CELF2: variants seen among roughly 807,000 people sequenced by gnomAD.
The protein encoded by CELF2 is CUGBP Elav-like family member 2.
CELF2 carries 8 observed loss-of-function variants against 62.6 expected under a neutral mutation model. The ratio of observed to expected loss-of-function variants is 0.13; its 90% CI spans 0.07 to 0.23. CELF2 has a LOEUF of 0.23. Among genes scored for constraint, CELF2 ranks in the 10% least tolerant of loss-of-function variants. The pLI, the probability that CELF2 is intolerant of heterozygous loss-of-function variation, is 1.00. For synonymous variants in CELF2, 258 were observed against 250.0 expected, an observed-to-expected ratio of 1.03 and a Z score of -0.30; for missense variants, 333 against 671.0, an observed-to-expected ratio of 0.50 and a Z score of 5.56.
intron 1 of CELF2, among the ~76,000 whole-genome samples, chr10:11,092,827 AC>A (rs767543502): frequency 1.3e-5 from 2 of 152,162 alleles, no homozygotes; most frequent in Non-Finnish European, 2.9e-5. Flanking sequence ...CATGGCCTGA[AC>A]CCCATCAGCA....
intron 1 of CELF2, among the ~76,000 whole-genome samples, chr10:10,910,333 C>T (rs994674240): frequency 6.6e-6 from 1 of 152,058 alleles, no homozygotes; most frequent in African/African-American, 2.4e-5. Flanking sequence ...CTTGTACAAG[C>T]ATATGATTTG....
chr10:10,825,226 T>C (rs1448864256), intron 1 of CELF2, among the ~76,000 whole-genome samples: 4 of 152,184 alleles, frequency 2.6e-5, no homozygotes, highest in East Asian at 1.9e-4. Context: ...TGTTTTGTTT[T>C]TGAGACGGAG....
At chr10:10,764,528 G>A in the CELF2 span, among the ~76,000 whole-genome samples, 1 of 152,184 alleles carries the variant, frequency 6.6e-6, no homozygotes, top group Non-Finnish European at 1.5e-5. Flanking sequence ...AAGAGACAGA[G>A]CCAAGTTCTC....
At chr10:10,532,894 A>AG in the CELF2 span, among the ~76,000 whole-genome samples, 1 of 149,140 alleles carries the variant, frequency 6.7e-6, no homozygotes, top group Non-Finnish European at 1.5e-5. Context: ...CTCAAAAAAA[A>AG]AAAAAAATAG....
chr10:10,795,690 T>A (rs544955670), upstream of CELF2, among the ~76,000 whole-genome samples: 2 of 152,218 alleles, frequency 1.3e-5, no homozygotes, highest in African/African-American at 2.4e-5. Context: ...CAGTATGTGA[T>A]AGCATGGAAT....
chr10:11,044,479 G>T (rs898615736), intron 1 of CELF2, among the ~76,000 whole-genome samples: 6 of 152,100 alleles, frequency 3.9e-5, no homozygotes, highest in South Asian at 2.1e-4. Flanking sequence ...CTATATGTAC[G>T]TATCAATTTG....
chr10:10,861,574 G>A (rs1004888043), intron 1 of CELF2, among the ~76,000 whole-genome samples: 8 of 152,192 alleles, frequency 5.3e-5, no homozygotes, highest in Middle Eastern at 3.4e-3. Context: ...GGGGCTTTAG[G>A]TAAATCCACC....
At chr10:10,641,978 G>A in the CELF2 span, among the ~76,000 whole-genome samples, 1 of 152,106 alleles carries the variant, frequency 6.6e-6, no homozygotes, top group Non-Finnish European at 1.5e-5. Flanking sequence ...AGGTCATAGA[G>A]CCTTGAGATA....
chr10:10,912,097 A>C (rs2895439), intron 1 of CELF2, among the ~76,000 whole-genome samples: 6 of 152,344 alleles, frequency 3.9e-5, no homozygotes, highest in African/African-American at 1.4e-4. Context: ...CTTGAGGAGA[A>C]GAAAGAAATG....
chr10:10,687,211 A>T, the CELF2 span, among the ~76,000 whole-genome samples: 1 of 152,222 alleles, frequency 6.6e-6, no homozygotes, highest in African/African-American at 2.4e-5. Context: ...TTTAATGGAT[A>T]CTGGTCACCT....
At chr10:11,099,921 C>T (rs1482950985) in intron 1 of CELF2, among the ~76,000 whole-genome samples, 2 of 150,378 alleles carry the variant, frequency 1.3e-5, no homozygotes, top group Non-Finnish European at 3.0e-5. Context: ...ACAGCTTAAG[C>T]TGGGCGTGGT....
At chr10:10,533,386 T>C in the CELF2 span, among the ~76,000 whole-genome samples, 1 of 152,234 alleles carries the variant, frequency 6.6e-6, no homozygotes, top group African/African-American at 2.4e-5. Flanking sequence ...AAAATTGTGA[T>C]ACAAACTTTT....
intron 1 of CELF2, among the ~76,000 whole-genome samples, chr10:11,044,334 C>G (rs913462625): frequency 7.2e-5 from 11 of 152,308 alleles, no homozygotes; most frequent in Non-Finnish European, 1.5e-4. Context: ...CGGTTCTTAG[C>G]ACAAAACAGG....
the CELF2 span, among the ~76,000 whole-genome samples, chr10:10,588,610 T>C: frequency 8.5e-5 from 13 of 152,288 alleles, no homozygotes; most frequent in Non-Finnish European, 1.6e-4. Flanking sequence ...CTTGGAGGGA[T>C]TGTAGATGAC....
Position 11,270,579 on chromosome 10 carries a change from C to A in CELF2, c.619-87C>A. On this transcript the variant is annotated intron_variant, in intron 6 of 12. Transcript: ENST00000633077. The surrounding 1 kb of genome is among the most constrained non-coding windows in gnomAD (Gnocchi z 5.8). Reference sequence around the variant, plus strand: ...CCATTCCATGTGCTCCAGGCTAGTGCAGAAAGGTAGCTCCGGTGCTGAGTG... The same window carrying A: ...CCATTCCATGTGCTCCAGGCTAGTGAAGAAAGGTAGCTCCGGTGCTGAGTG... 8.3e-7 allele frequency: 1 copy of A among 1,205,070 alleles called. No individual in the cohort carries two copies. The highest frequency in any genetic ancestry group is 1.1e-6 in the Non-Finnish European group (1 of 910,340). The allele number at this position is 1,205,070 out of a possible 1,614,324, so 74.6% of individuals were successfully genotyped here.
the CELF2 span, among the ~76,000 whole-genome samples, chr10:10,586,617 G>A: frequency 2.0e-5 from 3 of 152,170 alleles, no homozygotes; most frequent in East Asian, 1.9e-4. Context: ...CTGCAATGCT[G>A]AGTTCCAACC....
Position 11,224,661 on chromosome 10 carries a change from A to G in CELF2, c.354+7154A>G, listed in dbSNP as rs1357569672. 6.6e-6 allele frequency among the ~76,000 whole-genome samples: 1 copy of G among 152,212 alleles called. No homozygotes were observed. Among genetic ancestry groups the G allele is most frequent in the Admixed American group, 6.5e-5 (1 of 15,282 alleles). On this transcript the variant is annotated intron_variant, in intron 3 of 12. Coordinates refer to ENST00000633077, the MANE Select transcript of CELF2 (RefSeq NM_001326342.2). This position sits in a 1 kb window ranked among gnomAD's most constrained non-coding sequence, Gnocchi z 4.5. Reference sequence around the variant, plus strand: ...TGTCCAAATTCTGTCATTAGCGTATAGGGTTTCCATGAGAACTCATCTCTG... The same window carrying G: ...TGTCCAAATTCTGTCATTAGCGTATGGGGTTTCCATGAGAACTCATCTCTG...
chr10:10,964,596 T>C (rs1222384915), intron 2 of CELF2, among the ~76,000 whole-genome samples: 5 of 152,190 alleles, frequency 3.3e-5, no homozygotes, highest in Non-Finnish European at 7.3e-5. Context: ...TTAAAAAATA[T>C]CATTTCGAGA....
intron 1 of CELF2, among the ~76,000 whole-genome samples, chr10:11,153,264 T>C (rs2063680275): frequency 6.6e-6 from 1 of 152,226 alleles, no homozygotes; most frequent in South Asian, 2.1e-4. Flanking sequence ...AGGTATTTTT[T>C]GACAGGTTAT....
Sources: gnomAD v4.1 joint callset for allele counts (sites outside exome capture counted in the v4.1 genomes callset) on GRCh38, gnomAD v4.1.1 for gene constraint, Gnocchi (gnomAD v3.1) non-coding constraint, MANE v1.5 for transcripts, NCBI Gene and HGNC (gene_info 2026-07-23, HGNC 2026-07-21) for gene names.